Variants in DOCK3 observed in about 807,000 individuals in gnomAD.
The protein encoded by DOCK3 is dedicator of cytokinesis protein 3.
DOCK3 carries 60 observed loss-of-function variants against 265.6 expected under a neutral mutation model. The ratio of observed to expected loss-of-function variants is 0.23; its 90% CI spans 0.18 to 0.28. The LOEUF (loss-of-function observed/expected upper bound fraction) is 0.28, where lower values mean the gene tolerates loss of function less well. Ranked by LOEUF, DOCK3 falls within the 10% of genes least tolerant of loss-of-function variation. The pLI is 1.00. For missense variants in DOCK3, 1,981 were observed against 2,594.3 expected, an observed-to-expected ratio of 0.76 and a Z score of 5.14; for synonymous variants, 881 against 938.0, an observed-to-expected ratio of 0.94 and a Z score of 1.11.
At chr3:50,798,253 A>AG (rs1190907484) in intron 2 of DOCK3, among the ~76,000 whole-genome samples, 3 of 152,240 alleles carry the variant, frequency 2.0e-5, no homozygotes, top group African/African-American at 7.2e-5. Flanking sequence ...CAAAATGTAG[A>AG]GAAAAACCAG....
chr3:50,864,951 A>G (rs1051848398), intron 3 of DOCK3, among the ~76,000 whole-genome samples: 1 of 142,062 alleles, frequency 7.0e-6, no homozygotes, highest in Non-Finnish European at 1.5e-5. Flanking sequence ...ACATTTTAGG[A>G]TTTTTTTTTT....
intron 1 of DOCK3, among the ~76,000 whole-genome samples, chr3:50,710,685 G>T (rs1160591932): frequency 6.6e-6 from 1 of 152,152 alleles, no homozygotes; most frequent in African/African-American, 2.4e-5. Flanking sequence ...ATATGAAAAA[G>T]ATACTTGCAG....
intron 24 of DOCK3, among the ~76,000 whole-genome samples, chr3:51,272,546 C>G (rs2080564996): frequency 6.6e-6 from 1 of 151,570 alleles, no homozygotes. Context: ...CTCAGCCTCC[C>G]AAAGTGCTGG....
At chr3:50,991,342 C>T (rs750789453) in intron 5 of DOCK3, among the ~76,000 whole-genome samples, 1 of 152,164 alleles carries the variant, frequency 6.6e-6, no homozygotes, top group Non-Finnish European at 1.5e-5. Context: ...ATGCTGTCTT[C>T]AAGAGACCCA....
chr3:51,058,046 AT>A (rs1283658059), intron 5 of DOCK3, among the ~76,000 whole-genome samples: 2 of 152,128 alleles, frequency 1.3e-5, no homozygotes, highest in African/African-American at 4.8e-5. Context: ...AGGGTTTCTC[AT>A]TTTGTTGCAG....
intron 5 of DOCK3, among the ~76,000 whole-genome samples, chr3:51,052,134 A>G (rs1217895990): frequency 6.6e-6 from 1 of 152,214 alleles, no homozygotes; most frequent in East Asian, 1.9e-4. Context: ...AAGGCAGGAA[A>G]TTATCTGGAT....
Position 51,205,623 on chromosome 3 carries a change from G to A in DOCK3, c.1038-3151G>A, listed in dbSNP as rs140496724. On this transcript the variant is annotated intron_variant, in intron 12 of 52. Coordinates refer to ENST00000266037, the MANE Select transcript of DOCK3 (RefSeq NM_004947.5). ...AGACTGAGGTAGGGGGATCACCTGAGCCTGGGGAGGTGAAGGCTGCAGTGA... is the reference window on the plus strand; with the variant it reads ...AGACTGAGGTAGGGGGATCACCTGAACCTGGGGAGGTGAAGGCTGCAGTGA... 4.5e-3 allele frequency among the ~76,000 whole-genome samples: 680 copies of A among 152,158 alleles called. 2 individuals carry two copies. The highest frequency in any genetic ancestry group is 7.6e-3 in the Non-Finnish European group (514 of 67,994).
chr3:51,045,546 C>T (rs1265328138), intron 5 of DOCK3, among the ~76,000 whole-genome samples: 1 of 152,148 alleles, frequency 6.6e-6, no homozygotes, highest in African/African-American at 2.4e-5. Context: ...ACTCACTTGG[C>T]ACAGGGTTGC....
intron 3 of DOCK3, among the ~76,000 whole-genome samples, chr3:50,881,776 A>G (rs1210718015): frequency 6.6e-6 from 1 of 152,212 alleles, no homozygotes; most frequent in Non-Finnish European, 1.5e-5. Flanking sequence ...TTTAAAGTTT[A>G]TATGGAACCA....
chr3:51,271,460 C>CT (rs1237134553), intron 24 of DOCK3, among the ~76,000 whole-genome samples: 30 of 151,332 alleles, frequency 2.0e-4, no homozygotes, highest in Non-Finnish European at 8.8e-5. Flanking sequence ...TCTCTGGGGT[C>CT]TTTTTTTTTA....
intron 9 of DOCK3, among the ~76,000 whole-genome samples, chr3:51,121,363 A>T (rs1423940083): frequency 1.3e-5 from 2 of 152,098 alleles, no homozygotes; most frequent in Admixed American, 1.3e-4. Context: ...CTAGTACCTC[A>T]ATTGGAAATG....
chr3:51,376,347 G>A (rs1004949648), intron 51 of DOCK3, among the ~76,000 whole-genome samples: 1 of 152,132 alleles, frequency 6.6e-6, no homozygotes, highest in African/African-American at 2.4e-5. Flanking sequence ...CGGTCCTTCT[G>A]TAGCCACTCT....
chr3:51,129,205 G>A (rs1290879486), intron 9 of DOCK3, among the ~76,000 whole-genome samples: 2 of 152,194 alleles, frequency 1.3e-5, no homozygotes, highest in Non-Finnish European at 2.9e-5. Context: ...TGCACTACTT[G>A]CAGTTCTGCC....
chr3:50,680,319 C>G (rs2034305897), intron 1 of DOCK3, among the ~76,000 whole-genome samples: 1 of 148,928 alleles, frequency 6.7e-6, no homozygotes, highest in Admixed American at 6.8e-5. Context: ...TCAAGCGATT[C>G]TTCTGTCTCA....
intron 5 of DOCK3, among the ~76,000 whole-genome samples, chr3:50,945,627 A>T (rs994788827): frequency 1.3e-5 from 2 of 152,214 alleles, no homozygotes; most frequent in Non-Finnish European, 2.9e-5. Context: ...AAGATGGCAT[A>T]GCACGTTGAG....
intron 6 of DOCK3, among the ~76,000 whole-genome samples, chr3:51,072,600 G>A (rs1050898452): frequency 5.9e-5 from 9 of 151,814 alleles, no homozygotes; most frequent in African/African-American, 1.9e-4. Flanking sequence ...GTAGAGATGG[G>A]GTTTAACCAT....
rs576031456 is a variant in DOCK3 at position 51,149,264 on chromosome 3, A to G, written c.828+2634A>G. Among the ~76,000 whole-genome samples, 20 of 152,314 alleles carry G rather than the reference A, an allele frequency of 1.3e-4. No individual in the cohort carries two copies. In the South Asian group the frequency reaches 3.7e-3, roughly 28 times the overall value. ...GCTGAGATAATGGGGTTTTCTAAAT[A>G]TACAATCATGTCATCTGCAAACAGG... On this transcript the variant is annotated intron_variant, in intron 10 of 52. Coordinates refer to ENST00000266037, the MANE Select transcript of DOCK3 (RefSeq NM_004947.5).
chr3:51,238,433 C>T (rs753569821), intron 21 of DOCK3, among the ~76,000 whole-genome samples: 13 of 151,930 alleles, frequency 8.6e-5, no homozygotes, highest in Non-Finnish European at 1.6e-4. Context: ...TGAGCCACCG[C>T]GCCTGGCTGG....
chr3:51,084,674 C>T (rs992982339), intron 7 of DOCK3, among the ~76,000 whole-genome samples: 2 of 152,070 alleles, frequency 1.3e-5, no homozygotes, highest in East Asian at 3.9e-4. Context: ...TTACTGGTAG[C>T]ATACATATAC....
Sources: allele counts gnomAD v4.1 joint callset (sites outside exome capture counted in the v4.1 genomes callset), GRCh38; gene constraint gnomAD v4.1.1; transcripts MANE v1.5; gene names NCBI Gene and HGNC (gene_info 2026-07-23, HGNC 2026-07-21).